Variants in LIX1 observed in about 807,000 individuals in gnomAD.
LIX1 encodes the protein protein limb expression 1 homolog.
LIX1 carries 24 observed loss-of-function variants against 33.4 expected under a neutral mutation model. That is an observed-to-expected ratio of 0.72 (90% CI 0.52 to 1.01). The LOEUF (loss-of-function observed/expected upper bound fraction) is 1.01, where lower values mean the gene tolerates loss of function less well. LIX1 is among the 50% of genes least tolerant of loss of function. LIX1 has a pLI of 0.00. For missense variants in LIX1, 311 were observed against 339.2 expected (o/e 0.92, Z 0.65); for synonymous variants, 124 against 124.0 (o/e 1.00, Z 0.00).
Position 97,118,629 on chromosome 5 carries a change from T to C in LIX1, c.246+5837A>G, listed in dbSNP as rs553909757. Among the ~76,000 whole-genome samples, 9 of 152,346 alleles carry C rather than the reference T, an allele frequency of 5.9e-5. No individual in the cohort carries two copies. In the South Asian group the frequency reaches 1.9e-3, roughly 32 times the overall value. ...ATGAAATACTTAATGCTTGTAATGT[T>C]AGAAAATTATTTCTTTTATAAAAGA... On this transcript the variant is annotated intron_variant, in intron 2 of 5. Coordinates refer to ENST00000274382, the MANE Select transcript of LIX1 (RefSeq NM_153234.5).
intron 1 of LIX1, 63 bp from the exon 2 acceptor site, chr5:97,124,692 A>C (rs1747873063): frequency 2.1e-6 from 3 of 1,424,832 alleles, no homozygotes; most frequent in Non-Finnish European, 2.9e-6. Flanking sequence ...CAAAACCAAA[A>C]TTTTATTTGC....
At chr5:97,115,661 G>C (rs1047640245) in intron 2 of LIX1, among the ~76,000 whole-genome samples, 8 of 151,516 alleles carry the variant, frequency 5.3e-5, no homozygotes, top group Non-Finnish European at 8.8e-5. Flanking sequence ...ATGGTCTCCA[G>C]ATCTAAAATG....
intron 2 of LIX1, among the ~76,000 whole-genome samples, chr5:97,113,994 C>T (rs1187478604): frequency 6.6e-6 from 1 of 152,160 alleles, no homozygotes. Flanking sequence ...CCTTTGGATG[C>T]TTTCCTGGAC....
At position 97,094,723 on chromosome 5, in the gene LIX1, T is replaced by G. The variant is rs1746256522; in HGVS notation, c.*25A>C. ...ATGTTAATCTGGCCTCTGCCATCAC[T>G]GAGGGTACCCGGGGCTTGGCCTTGC... On this transcript the variant is annotated 3_prime_UTR_variant, in exon 6 of 6. Coordinates refer to ENST00000274382, the MANE Select transcript of LIX1 (RefSeq NM_153234.5). 1 of 1,607,242 alleles carries G rather than the reference T, an allele frequency of 6.2e-7. No homozygotes were observed. The highest frequency in any genetic ancestry group is 8.5e-7 in the Non-Finnish European group (1 of 1,175,688).
At chr5:97,121,917 G>T (rs1307338539) in intron 2 of LIX1, among the ~76,000 whole-genome samples, 2 of 152,116 alleles carry the variant, frequency 1.3e-5, no homozygotes, top group Non-Finnish European at 2.9e-5. Flanking sequence ...GTATTGAATG[G>T]GGTGTATTGA....
Position 97,142,545 on chromosome 5 carries a change from ATG to A in LIX1, c.30_31del (p.Ile11HisfsTer40). 6.2e-7 allele frequency: 1 copy of A among 1,614,088 alleles called. No individual in the cohort carries two copies. The highest frequency in any genetic ancestry group is 8.5e-7 in the Non-Finnish European group (1 of 1,179,926). Reference sequence around the variant, plus strand: ...TCTGTGAGGCAAGACTTGGGCAATGATGTGTCTCAGAGATTCCAAGGTTCTGT... The same window carrying A: ...TCTGTGAGGCAAGACTTGGGCAATGATGTCTCAGAGATTCCAAGGTTCTGT... On this transcript the variant is annotated frameshift_variant, in exon 1 of 6. Transcript: ENST00000274382. LOFTEE classifies it high-confidence loss of function.
intron 2 of LIX1, among the ~76,000 whole-genome samples, chr5:97,112,966 A>T (rs1011836767): frequency 7.9e-5 from 12 of 152,298 alleles, no homozygotes; most frequent in African/African-American, 2.9e-4. Flanking sequence ...TAACCAATAG[A>T]ATATGGTAGA....
chr5:97,140,244 GTGTT>G (rs1333151652), intron 1 of LIX1, among the ~76,000 whole-genome samples: 2 of 152,164 alleles, frequency 1.3e-5, no homozygotes, highest in African/African-American at 4.8e-5. Flanking sequence ...GTGTGTTTGT[GTGTT>G]TGTGTGTGTT....
In LIX1 at chr5:97,142,606, C is replaced by A. The variant is rs766058613; in HGVS notation, c.-30G>T. On this transcript the variant is annotated 5_prime_UTR_variant, in exon 1 of 6. Transcript: ENST00000274382. ...GGTCTGCCTGTGTGAGCCTCCTGTACAGAGTGTCCTCATGCCTGAATTCTT... is the reference window on the plus strand; with the variant it reads ...GGTCTGCCTGTGTGAGCCTCCTGTAAAGAGTGTCCTCATGCCTGAATTCTT... 3.2e-6 allele frequency: 5 copies of A among 1,559,250 alleles called. No individual in the cohort carries two copies. The Admixed American group carries it at 8.3e-5, about 26-fold the overall frequency.
intron 2 of LIX1, among the ~76,000 whole-genome samples, chr5:97,110,162 T>A (rs140349891): frequency 5.8e-4 from 89 of 152,230 alleles, no homozygotes; most frequent in Non-Finnish European, 9.4e-4. Context: ...CTCTCCATAC[T>A]GTTTTTGTAT....
At chr5:97,102,402 T>TCCCA (rs989819030) in intron 4 of LIX1, among the ~76,000 whole-genome samples, 1 of 152,038 alleles carries the variant, frequency 6.6e-6, no homozygotes. Context: ...ATGTGCCAGG[T>TCCCA]CCCAGCAGGC....
intron 1 of LIX1, among the ~76,000 whole-genome samples, chr5:97,139,319 G>T (rs1410789171): frequency 6.6e-6 from 1 of 152,202 alleles, no homozygotes; most frequent in Non-Finnish European, 1.5e-5. Context: ...GTTGAAGAAA[G>T]AGCTCAAAGA....
chr5:97,114,424 G>A (rs1423651923), intron 2 of LIX1, among the ~76,000 whole-genome samples: 1 of 152,060 alleles, frequency 6.6e-6, no homozygotes, highest in Non-Finnish European at 1.5e-5. Flanking sequence ...AACTCATTTT[G>A]GCCCTGTATT....
intron 4 of LIX1, among the ~76,000 whole-genome samples, chr5:97,103,541 T>G (rs1422870413): frequency 6.6e-6 from 1 of 152,224 alleles, no homozygotes; most frequent in Non-Finnish European, 1.5e-5. Context: ...GCCAGCCCGC[T>G]GCAGAGTCTG....
At position 97,094,695 on chromosome 5, in the gene LIX1, C is replaced by G; in HGVS notation, c.*53G>C. On this transcript the variant is annotated 3_prime_UTR_variant, in exon 6 of 6. Transcript: ENST00000274382. ...TCTGAGGACCTCTGCACTGAGATTC[C>G]TAATGTTAATCTGGCCTCTGCCATC... 1.9e-6 allele frequency: 3 copies of G among 1,562,202 alleles called. No homozygotes were observed. Among genetic ancestry groups the G allele is most frequent in the Non-Finnish European group, 2.6e-6 (3 of 1,144,230 alleles).
chr5:97,112,525 C>T (rs747216347), intron 2 of LIX1, among the ~76,000 whole-genome samples: 8 of 152,028 alleles, frequency 5.3e-5, no homozygotes, highest in Admixed American at 1.3e-4. Context: ...ATTTGTAAAC[C>T]GTGTCTTTTC....
intron 2 of LIX1, among the ~76,000 whole-genome samples, chr5:97,111,349 A>T (rs1053283661): frequency 2.0e-5 from 3 of 152,250 alleles, no homozygotes; most frequent in African/African-American, 7.2e-5. Flanking sequence ...AAATGAGCGC[A>T]ATTTCAATAA....
chr5:97,130,020 A>AT (rs1327458216), intron 1 of LIX1, among the ~76,000 whole-genome samples: 1 of 152,256 alleles, frequency 6.6e-6, no homozygotes, highest in African/African-American at 2.4e-5. Flanking sequence ...GTCATACGGA[A>AT]TGAGCAGTCC....
intron 2 of LIX1, among the ~76,000 whole-genome samples, chr5:97,119,459 T>G (rs911029125): frequency 6.6e-6 from 1 of 152,196 alleles, no homozygotes; most frequent in African/African-American, 2.4e-5. Context: ...GGAGAAATGT[T>G]CTTTCATTTT....
Sources: gnomAD v4.1 joint callset for allele counts (sites outside exome capture counted in the v4.1 genomes callset) on GRCh38, gnomAD v4.1.1 for gene constraint, MANE v1.5 for transcripts, NCBI Gene and HGNC (gene_info 2026-07-23, HGNC 2026-07-21) for gene names.